PBX4: variants seen among roughly 807,000 people sequenced by gnomAD.
The protein encoded by PBX4 is pre-B-cell leukemia transcription factor 4.
A neutral mutation model predicts 35.1 loss-of-function variants in PBX4; 26 were observed. That is an observed-to-expected ratio of 0.74 (90% CI 0.54 to 1.03). The LOEUF is 1.03. Among genes scored for constraint, PBX4 ranks in the 50% least tolerant of loss-of-function variants. PBX4 has a pLI of 0.00. For synonymous variants in PBX4, 199 were observed against 204.2 expected (o/e 0.97, Z 0.22); for missense variants, 448 against 504.3 (o/e 0.89, Z 1.07).
chr19:19,618,485 G>A, intron 1 of PBX4, 26 bp downstream of exon 1: 1 of 1,431,978 alleles, frequency 7.0e-7, no homozygotes, highest in Non-Finnish European at 9.2e-7. Context: ...ACCCTGCGTG[G>A]CCCCTGCCGA....
chr19:19,605,446 T>TAATAAC (rs777835008), intron 1 of PBX4, among the ~76,000 whole-genome samples: 3 of 99,978 alleles, frequency 3.0e-5, no homozygotes, highest in East Asian at 3.7e-4. Context: ...ATAATAATAA[T>TAATAAC]AACAATAATA....
chr19:19,575,762 G>A (rs1244968034), intron 2 of PBX4, among the ~76,000 whole-genome samples: 2 of 152,072 alleles, frequency 1.3e-5, no homozygotes, highest in African/African-American at 4.8e-5. Context: ...GTTCCCTCGC[G>A]GAGCCTTGCA....
intron 1 of PBX4, among the ~76,000 whole-genome samples, chr19:19,602,277 C>T (rs2061602643): frequency 6.6e-6 from 1 of 152,010 alleles, no homozygotes; most frequent in Admixed American, 6.6e-5. Context: ...AAAGAGAATT[C>T]GGATTTAGCA....
At chr19:19,590,530 G>A (rs1304482332) in intron 2 of PBX4, among the ~76,000 whole-genome samples, 13 of 150,118 alleles carry the variant, frequency 8.7e-5, no homozygotes, top group East Asian at 5.8e-4. Context: ...GTACAGTGGC[G>A]TGATCTCCGC....
chr19:19,573,549 A>T (rs1444918837), intron 2 of PBX4, among the ~76,000 whole-genome samples: 1 of 152,196 alleles, frequency 6.6e-6, no homozygotes, highest in Non-Finnish European at 1.5e-5. Context: ...ACAAGTCTCC[A>T]GTACCCAGGC....
Position 19,599,681 on chromosome 19 carries a change from T to C in PBX4, c.120-316A>G, listed in dbSNP as rs375194314. Among the ~76,000 whole-genome samples the C allele has an allele frequency of 3.3e-5, 5 of 151,940 alleles. No homozygotes were observed. In the East Asian group the frequency reaches 7.8e-4, roughly 24 times the overall value. Reference sequence around the variant, plus strand: ...GGTGAAACCCTATCTCTATTAAAAATACAAAACTTGGCCAGGCACAGTGGC... The same window carrying C: ...GGTGAAACCCTATCTCTATTAAAAACACAAAACTTGGCCAGGCACAGTGGC... On this transcript the variant is annotated intron_variant, in intron 1 of 7. Transcript: ENST00000251203.
intron 1 of PBX4, among the ~76,000 whole-genome samples, chr19:19,600,050 G>A (rs987901754): frequency 6.6e-6 from 1 of 151,940 alleles, no homozygotes; most frequent in African/African-American, 2.4e-5. Flanking sequence ...GGTGAGGCAG[G>A]AGAAATGCTT....
chr19:19,565,924 A>T (rs537126050), intron 5 of PBX4, among the ~76,000 whole-genome samples: 76 of 152,042 alleles, frequency 5.0e-4, no homozygotes, highest in African/African-American at 8.2e-4. Context: ...CAGAAAAAAA[A>T]ATATATTTTT....
At chr19:19,564,865 TC>T in intron 6 of PBX4, 67 bp downstream of exon 6, 1 of 1,591,296 alleles carries the variant, frequency 6.3e-7, no homozygotes, top group Non-Finnish European at 8.6e-7. Flanking sequence ...CACTGTGGCC[TC>T]CCCAGATGCA....
At chr19:19,588,815 G>C (rs937388586) in intron 2 of PBX4, among the ~76,000 whole-genome samples, 1 of 152,166 alleles carries the variant, frequency 6.6e-6, no homozygotes, top group South Asian at 2.1e-4. Context: ...ACTCTAAAAA[G>C]AATTTCCCAA....
chr19:19,569,416 G>A (rs1301565265), intron 5 of PBX4, 33 bp downstream of exon 5: 2 of 1,597,140 alleles, frequency 1.3e-6, no homozygotes, highest in Non-Finnish European at 1.7e-6. Flanking sequence ...ACTCCTCCCA[G>A]GCGTGGCGAG....
At position 19,592,229 on chromosome 19, in the gene PBX4, C is replaced by T. The variant is rs142641385; in HGVS notation, c.193+7063G>A. Among the ~76,000 whole-genome samples the T allele has an allele frequency of 7.3e-4, 111 of 152,306 alleles. No homozygotes were observed. The East Asian group carries it at 9.2e-3, about 13-fold the overall frequency. On this transcript the variant is annotated intron_variant, in intron 2 of 7. Coordinates refer to ENST00000251203, the MANE Select transcript of PBX4 (RefSeq NM_025245.3). ...AACGCTTTCGAATTCTGCAACATAC[C>T]TAGTCCCAGGGTCTCAGCAAAGGGA...
chr19:19,572,312 A>T (rs1410718370), intron 2 of PBX4, among the ~76,000 whole-genome samples: 2 of 151,322 alleles, frequency 1.3e-5, no homozygotes, highest in Non-Finnish European at 2.9e-5. Context: ...TGACCTCATG[A>T]TCCGCCTGCC....
chr19:19,618,373 C>T (rs2061698910), intron 1 of PBX4, 138 bp downstream of exon 1: 2 of 743,792 alleles, frequency 2.7e-6, no homozygotes, highest in Non-Finnish European at 3.7e-6. Context: ...GAACCCCATA[C>T]ATCCCTTCGT....
At chr19:19,585,852 A>C (rs923123787) in intron 2 of PBX4, among the ~76,000 whole-genome samples, 1 of 152,176 alleles carries the variant, frequency 6.6e-6, no homozygotes, top group African/African-American at 2.4e-5. Context: ...ATAAGAACTA[A>C]TGATAATCCC....
chr19:19,618,475 A>G, intron 1 of PBX4, 36 bp downstream of exon 1: 2 of 1,398,742 alleles, frequency 1.4e-6, no homozygotes, highest in Non-Finnish European at 9.3e-7. Context: ...CACTGCCACG[A>G]CCCTGCGTGG....
intron 2 of PBX4, among the ~76,000 whole-genome samples, chr19:19,574,619 C>G (rs768011843): frequency 6.6e-6 from 1 of 151,702 alleles, no homozygotes; most frequent in African/African-American, 2.4e-5. Flanking sequence ...GTTTGGTGGC[C>G]CAATTTTCCT....
rs151196599 is a variant in PBX4, at chr19:19,614,301, C to T, written c.119+4210G>A. 3.0e-3 allele frequency among the ~76,000 whole-genome samples: 462 copies of T among 152,236 alleles called. 4 individuals are homozygous for T. Among genetic ancestry groups the T allele is most frequent in the African/African-American group, 0.01 (426 of 41,540 alleles). Reference sequence around the variant, plus strand: ...GAGTTGAGATCATACCACAGCACTCCAGCCTGGGTGACAGAATAAGACCCT... The same window carrying T: ...GAGTTGAGATCATACCACAGCACTCTAGCCTGGGTGACAGAATAAGACCCT... On this transcript the variant is annotated intron_variant, in intron 1 of 7. Coordinates refer to ENST00000251203, the MANE Select transcript of PBX4 (RefSeq NM_025245.3).
chr19:19,579,547 A>C (rs183720871), intron 2 of PBX4, among the ~76,000 whole-genome samples: 1 of 152,248 alleles, frequency 6.6e-6, no homozygotes, highest in East Asian at 1.9e-4. Context: ...CAGTGCTCTC[A>C]CTTGGCAGCG....
Sources: allele counts gnomAD v4.1 joint callset (sites outside exome capture counted in the v4.1 genomes callset), GRCh38; gene constraint gnomAD v4.1.1; transcripts MANE v1.5; gene names NCBI Gene and HGNC (gene_info 2026-07-23, HGNC 2026-07-21).